Variants in WWC2 observed in about 807,000 individuals in gnomAD.
The protein encoded by WWC2 is WW and C2 domain containing 2.
A neutral mutation model predicts 138.5 loss-of-function variants in WWC2; 101 were observed. That is an observed-to-expected ratio of 0.73 (90% CI 0.62 to 0.86). The LOEUF (loss-of-function observed/expected upper bound fraction) is 0.86. WWC2 is among the 40% of genes least tolerant of loss of function. The pLI is 0.00. For missense variants in WWC2, 1,420 were observed against 1,419.4 expected, an observed-to-expected ratio of 1.00 and a Z score of -0.01; for synonymous variants, 558 against 538.4, an observed-to-expected ratio of 1.04 and a Z score of -0.50.
intron 1 of WWC2, among the ~76,000 whole-genome samples, chr4:183,114,233 TC>T (rs1241342614): frequency 1.3e-5 from 2 of 152,136 alleles, no homozygotes; most frequent in Non-Finnish European, 2.9e-5. Context: ...ATGTGCCTGC[TC>T]CTCTTTTGCC....
intron 6 of WWC2, among the ~76,000 whole-genome samples, chr4:183,246,872 TA>T (rs34144479): frequency 0.043 from 6,494 of 149,548 alleles, 487 homozygotes; most frequent in African/African-American, 0.15. Flanking sequence ...GTAGGTCCTT[TA>T]AAAAAAAAAG....
intron 1 of WWC2, among the ~76,000 whole-genome samples, chr4:183,126,089 T>C (rs1732748416): frequency 6.6e-6 from 1 of 152,260 alleles, no homozygotes; most frequent in African/African-American, 2.4e-5. Context: ...CGCCTCACCC[T>C]GGTCCTGGCC....
chr4:183,176,371 C>A (rs1443974945), intron 1 of WWC2, among the ~76,000 whole-genome samples: 1 of 152,086 alleles, frequency 6.6e-6, no homozygotes, highest in Non-Finnish European at 1.5e-5. Context: ...GTGATTCTTT[C>A]AGTTTGTCTT....
chr4:183,122,413 A>G (rs753613692), intron 1 of WWC2, among the ~76,000 whole-genome samples: 1 of 152,250 alleles, frequency 6.6e-6, no homozygotes, highest in Admixed American at 6.5e-5. Context: ...AGTGGATTAC[A>G]ATAAAATTAA....
intron 1 of WWC2, among the ~76,000 whole-genome samples, chr4:183,166,203 A>G (rs943628397): frequency 1.3e-5 from 2 of 152,112 alleles, no homozygotes; most frequent in African/African-American, 4.8e-5. Context: ...ACAGATACTG[A>G]AAGCTTTTTT....
intron 2 of WWC2, among the ~76,000 whole-genome samples, chr4:183,196,131 C>G (rs925814263): frequency 6.6e-6 from 1 of 152,152 alleles, no homozygotes; most frequent in Non-Finnish European, 1.5e-5. Flanking sequence ...TAAAAGTTCC[C>G]TGAGGCCTCC....
At chr4:183,236,947 G>T (rs920846692) in intron 4 of WWC2, among the ~76,000 whole-genome samples, 1 of 151,914 alleles carries the variant, frequency 6.6e-6, no homozygotes, top group Non-Finnish European at 1.5e-5. Context: ...ATGTTTTATA[G>T]CAGGGTTGTT....
intron 4 of WWC2, among the ~76,000 whole-genome samples, chr4:183,227,602 A>G (rs1252351231): frequency 6.6e-6 from 1 of 152,138 alleles, no homozygotes; most frequent in Admixed American, 6.5e-5. Flanking sequence ...TTATCAAGAA[A>G]ATACGGAAAC....
At chr4:183,108,703 C>T (rs542993446) in intron 1 of WWC2, among the ~76,000 whole-genome samples, 1 of 151,998 alleles carries the variant, frequency 6.6e-6, no homozygotes, top group South Asian at 2.1e-4. Context: ...CTCAGCCTCC[C>T]GGGTTCAAGC....
At chr4:183,124,536 C>CTTTTTTTTTTTTTTTTTTTT (rs370409813) in intron 1 of WWC2, among the ~76,000 whole-genome samples, 13 of 122,804 alleles carry the variant, frequency 1.1e-4, no homozygotes, top group African/African-American at 4.0e-4. Flanking sequence ...TCCTTTTTCT[C>CTTTTTTTTTTTTTTTTTTTT]TTTTTTTTTT....
rs142595470 is a variant in WWC2 at position 183,249,095 on chromosome 4, A to G, written c.879+235A>G. ...AGCTTTGTTCAAACTTTCTCATGCTATATTCCTTTAGAGACACGCTGAAAG... is the reference window on the plus strand; with the variant it reads ...AGCTTTGTTCAAACTTTCTCATGCTGTATTCCTTTAGAGACACGCTGAAAG... On this transcript the variant is annotated intron_variant, in intron 7 of 22. Coordinates refer to ENST00000403733, the MANE Select transcript of WWC2 (RefSeq NM_024949.6). Among the ~76,000 whole-genome samples, 122 of 152,212 alleles carry G rather than the reference A, an allele frequency of 8.0e-4. 7 individuals carry two copies. Among genetic ancestry groups the G allele is most frequent in the Middle Eastern group, 3.4e-3 (1 of 294 alleles).
At chr4:183,169,202 G>T (rs530839806) in intron 1 of WWC2, among the ~76,000 whole-genome samples, 1 of 152,364 alleles carries the variant, frequency 6.6e-6, no homozygotes, top group South Asian at 2.1e-4. Context: ...AAAATCAACA[G>T]AATTGATCAG....
At chr4:183,159,137 A>G (rs541086046) in intron 1 of WWC2, among the ~76,000 whole-genome samples, 18 of 152,322 alleles carry the variant, frequency 1.2e-4, no homozygotes, top group African/African-American at 4.1e-4. Flanking sequence ...TAATATATCA[A>G]TCACATTTGA....
rs913909635 is a variant in WWC2, at chr4:183,265,372, G to A, written c.2039+265G>A. ...CTTGAATTTAGTGGGAATATTGGAA[G>A]AATTCACCAGACCCTGTTTGGCACA... On this transcript the variant is annotated intron_variant, in intron 12 of 22. Coordinates refer to ENST00000403733, the MANE Select transcript of WWC2 (RefSeq NM_024949.6). Among the ~76,000 whole-genome samples the A allele has an allele frequency of 3.3e-5, 5 of 152,212 alleles. No individual in the cohort carries two copies. In the South Asian group the frequency reaches 6.2e-4, roughly 19 times the overall value.
chr4:183,271,220 G>A lies in WWC2; in HGVS notation c.2541G>A (p.Pro847=), dbSNP rs758288570. ...NEDSVFQPNQ[P]LVDSIDLDAV... is the part of the protein sequence containing the mutation. ...ACTCTGTATTTCAACCAAACCAGCC[G>A]TTAGTAGATTCTATAGACTTGGTGA... is the stretch of plus-strand genomic sequence containing the variant. Residue 847 remains proline (P), a synonymous_variant, in exon 16 of 23, where the codon CCG becomes CCA. Transcript: ENST00000403733. 3.0e-5 allele frequency: 48 copies of A among 1,610,812 alleles called. No individual in the cohort carries two copies. The highest frequency in any genetic ancestry group is 1.3e-4 in the Admixed American group (8 of 59,604).
At chr4:183,136,472 A>G (rs1467327945) in intron 1 of WWC2, among the ~76,000 whole-genome samples, 1 of 152,002 alleles carries the variant, frequency 6.6e-6, no homozygotes, top group Non-Finnish European at 1.5e-5. Context: ...TTCTTTATTC[A>G]TTTTTAAGAC....
In WWC2 at chr4:183,319,900, T is replaced by A. The variant is rs1481232144; in HGVS notation, c.*4171T>A. Reference sequence around the variant, plus strand: ...TTGAGATCTCTCTGACTCTCTCCAATTCTCAAACAGTCCAGGCCAAACCCA... The same window carrying A: ...TTGAGATCTCTCTGACTCTCTCCAAATCTCAAACAGTCCAGGCCAAACCCA... On this transcript the variant is annotated 3_prime_UTR_variant, in exon 23 of 23. Coordinates refer to ENST00000403733, the MANE Select transcript of WWC2 (RefSeq NM_024949.6). 6.2e-7 allele frequency: 1 copy of A among 1,613,934 alleles called. No individual in the cohort carries two copies. The highest frequency in any genetic ancestry group is 8.5e-7 in the Non-Finnish European group (1 of 1,179,868).
At chr4:183,240,567 A>G (rs1736584909) in intron 5 of WWC2, 1 of 212,390 alleles carries the variant, frequency 4.7e-6, no homozygotes, top group Non-Finnish European at 9.2e-6. Context: ...AGATTGTGGT[A>G]CAGAGCTAAG....
At chr4:183,165,129 T>TCAAATCCCATGGTTGGG (rs1328350023) in intron 1 of WWC2, among the ~76,000 whole-genome samples, 13 of 152,134 alleles carry the variant, frequency 8.5e-5, no homozygotes, top group African/African-American at 3.1e-4. Flanking sequence ...CCATGGGAAT[T>TCAAATCCCATGGTTGGG]CAAATCATGG....
Sources: gnomAD v4.1 joint callset for allele counts (sites outside exome capture counted in the v4.1 genomes callset) on GRCh38, gnomAD v4.1.1 for gene constraint, MANE v1.5 for transcripts, NCBI Gene and HGNC (gene_info 2026-07-23, HGNC 2026-07-21) for gene names.